Variants in AUTS2 observed in about 807,000 individuals in gnomAD.
The protein encoded by AUTS2 is activator of transcription and developmental regulator AUTS2.
AUTS2 carries 17 observed loss-of-function variants against 112.4 expected under a neutral mutation model. The observed-to-expected ratio is 0.15, with a 90% CI of 0.10 to 0.23. The LOEUF (loss-of-function observed/expected upper bound fraction) is 0.23, where lower values mean the gene tolerates loss of function less well. Among genes scored for constraint, AUTS2 ranks in the 10% least tolerant of loss-of-function variants. The pLI is 1.00. For missense variants in AUTS2, 1,510 were observed against 1,701.6 expected, an observed-to-expected ratio of 0.89 and a Z score of 1.98; for synonymous variants, 751 against 702.7, an observed-to-expected ratio of 1.07 and a Z score of -1.09.
intron 5 of AUTS2, among the ~76,000 whole-genome samples, chr7:70,690,796 G>A (rs1172079093): frequency 1.3e-5 from 2 of 152,090 alleles, no homozygotes; most frequent in Non-Finnish European, 2.9e-5. Context: ...GACCTTGTCT[G>A]TACAAAAAAT....
intron 2 of AUTS2, among the ~76,000 whole-genome samples, chr7:69,929,493 G>T (rs1796150663): frequency 6.6e-6 from 1 of 151,778 alleles, no homozygotes; most frequent in Admixed American, 6.6e-5. Context: ...CAATTAACCA[G>T]ATACTAGATA....
chr7:70,345,959 C>T (rs966513160), intron 4 of AUTS2, among the ~76,000 whole-genome samples: 8 of 152,172 alleles, frequency 5.3e-5, no homozygotes, highest in Non-Finnish European at 1.0e-4. Context: ...TAATCTATGT[C>T]AGAAGTCTAT....
At chr7:70,283,240 C>A (rs1182106081) in intron 4 of AUTS2, among the ~76,000 whole-genome samples, 1 of 152,018 alleles carries the variant, frequency 6.6e-6, no homozygotes, top group African/African-American at 2.4e-5. Context: ...AGTTTTCTTT[C>A]GTTTATGTTT....
intron 1 of AUTS2, among the ~76,000 whole-genome samples, chr7:69,660,824 A>C (rs1258374234): frequency 6.6e-6 from 1 of 152,184 alleles, no homozygotes; most frequent in African/African-American, 2.4e-5. Context: ...AGTCCCAGCT[A>C]CTTGGGAGGC....
intron 1 of AUTS2, among the ~76,000 whole-genome samples, chr7:69,788,600 A>G (rs995239961): frequency 3.3e-5 from 5 of 152,206 alleles, no homozygotes; most frequent in African/African-American, 1.2e-4. Flanking sequence ...AATACAGTTT[A>G]ACCTGAAGGG....
chr7:69,648,545 T>A (rs939166511), intron 1 of AUTS2, among the ~76,000 whole-genome samples: 4 of 151,990 alleles, frequency 2.6e-5, no homozygotes, highest in Admixed American at 6.5e-5. Context: ...TATTAGCGAA[T>A]AGAAAACGTG....
intron 4 of AUTS2, among the ~76,000 whole-genome samples, chr7:70,415,000 ATT>A (rs1352549471): frequency 6.6e-6 from 1 of 152,190 alleles, no homozygotes; most frequent in Non-Finnish European, 1.5e-5. Flanking sequence ...TGATGTCATC[ATT>A]TTATGACAGC....
Position 69,973,605 on chromosome 7 carries a change from T to C in AUTS2, c.522+74107T>C, listed in dbSNP as rs76847718. ...TTCTTTATCAAATTGAAGTAGTTCC[T>C]TTCTATTCCTAGTTTTCTGAGATTT... On this transcript the variant is annotated intron_variant, in intron 2 of 18. Transcript: ENST00000342771. Among the ~76,000 whole-genome samples the C allele has an allele frequency of 2.9e-3, 448 of 152,300 alleles. 5 individuals are homozygous for C. Among genetic ancestry groups the C allele is most frequent in the African/African-American group, 0.01 (434 of 41,582 alleles).
chr7:69,786,584 C>A (rs566885910), intron 1 of AUTS2, among the ~76,000 whole-genome samples: 2 of 152,168 alleles, frequency 1.3e-5, no homozygotes, highest in Admixed American at 6.5e-5. Flanking sequence ...TCTTTGGGTC[C>A]GTGCCACCTT....
At chr7:69,827,090 C>T (rs1791282485) in intron 1 of AUTS2, among the ~76,000 whole-genome samples, 1 of 152,106 alleles carries the variant, frequency 6.6e-6, no homozygotes, top group Non-Finnish European at 1.5e-5. Flanking sequence ...GAAATGCTTT[C>T]CTTGGGCCCC....
chr7:70,375,479 G>A (rs181232548), intron 4 of AUTS2, among the ~76,000 whole-genome samples: 6 of 152,184 alleles, frequency 3.9e-5, no homozygotes, highest in African/African-American at 7.2e-5. Flanking sequence ...CCAATTTTAC[G>A]TCCAACTAGG....
chr7:70,193,781 T>C (rs1810028390), intron 4 of AUTS2, among the ~76,000 whole-genome samples: 1 of 152,218 alleles, frequency 6.6e-6, no homozygotes, highest in African/African-American at 2.4e-5. Flanking sequence ...CAGATAGGTT[T>C]GCCTCTGGGG....
chr7:70,728,388 T>G (rs1787155767), intron 6 of AUTS2, among the ~76,000 whole-genome samples: 1 of 152,108 alleles, frequency 6.6e-6, no homozygotes, highest in Non-Finnish European at 1.5e-5. Flanking sequence ...CCTTACCAGG[T>G]TGAGTTCCTC....
intron 10 of AUTS2, among the ~76,000 whole-genome samples, chr7:70,770,289 CTT>C: frequency 6.6e-6 from 1 of 152,206 alleles, no homozygotes; most frequent in Non-Finnish European, 1.5e-5. Flanking sequence ...GTCTGAAAAA[CTT>C]TGCTGCATCA....
chr7:69,969,851 C>G (rs911110132), intron 2 of AUTS2, among the ~76,000 whole-genome samples: 1 of 152,004 alleles, frequency 6.6e-6, no homozygotes, highest in African/African-American at 2.4e-5. Context: ...GATGTTTGTC[C>G]AAAACTATAA....
Position 70,787,337 on chromosome 7 carries a change from G to A in AUTS2, c.2437G>A (p.Gly813Arg). 6.2e-7 allele frequency: 1 copy of A among 1,614,198 alleles called. No individual in the cohort carries two copies. The highest frequency in any genetic ancestry group is 8.5e-7 in the Non-Finnish European group (1 of 1,180,028). ...GACCCCTCCGCCCTGGCTGAAGCCA[G>A]GGGAGCTGGAGCGCAGCGCGTCCGC... is the stretch of plus-strand genomic sequence containing the variant. ...FPTPPPWLKP[G>R]ELERSASAAA... Residue 813 changes from glycine to arginine, a missense_variant, in exon 18 of 19, where the codon GGG becomes AGG. Coordinates refer to ENST00000342771, the MANE Select transcript of AUTS2 (RefSeq NM_015570.4).
intron 4 of AUTS2, chr7:70,293,432 C>A (rs1284270522): frequency 6.6e-6 from 1 of 152,130 alleles, no homozygotes; most frequent in Non-Finnish European, 1.5e-5. Flanking sequence ...TCATGCTGTT[C>A]TACCTGTCAG....
At chr7:70,786,838 C>T (rs2129560882) in intron 17 of AUTS2, 4 of 348,674 alleles carry the variant, frequency 1.1e-5, no homozygotes, top group Non-Finnish European at 1.1e-5. Context: ...TACTGTGAAT[C>T]AATTTAGAAT....
At chr7:70,456,887 C>A (rs953506467) in intron 5 of AUTS2, among the ~76,000 whole-genome samples, 5 of 152,214 alleles carry the variant, frequency 3.3e-5, no homozygotes, top group Non-Finnish European at 5.9e-5. Flanking sequence ...CTTGCTTGGG[C>A]CCCTGCAGCC....
Sources: gnomAD v4.1 joint callset for allele counts (sites outside exome capture counted in the v4.1 genomes callset) on GRCh38, gnomAD v4.1.1 for gene constraint, MANE v1.5 for transcripts, NCBI Gene and HGNC (gene_info 2026-07-23, HGNC 2026-07-21) for gene names.